Variants in COBL observed in about 807,000 individuals in gnomAD.
The protein encoded by COBL is cordon-bleu WH2 repeat protein, also known as protein cordon-bleu.
A neutral mutation model predicts 98.8 loss-of-function variants in COBL; 51 were observed. The observed-to-expected ratio is 0.52, with a 90% CI of 0.41 to 0.65. The LOEUF is 0.65. Ranked by LOEUF, COBL falls within the 30% of genes least tolerant of loss-of-function variation. The pLI, the probability that COBL is intolerant of heterozygous loss-of-function variation, is 0.00. For missense variants in COBL, 1,617 were observed against 1,617.5 expected (o/e 1.00, Z 0.01); for synonymous variants, 634 against 651.7 (o/e 0.97, Z 0.41).
At chr7:51,270,137 C>T (rs1392651630) in intron 1 of COBL, among the ~76,000 whole-genome samples, 1 of 152,156 alleles carries the variant, frequency 6.6e-6, no homozygotes, top group Admixed American at 6.5e-5. Context: ...GTGACAGGAG[C>T]TGAATCTGGA....
intron 7 of COBL, chr7:51,065,370 T>A (rs775891663): frequency 1.4e-6 from 1 of 703,656 alleles, no homozygotes; most frequent in Non-Finnish European, 2.6e-6. Flanking sequence ...TCCACAGGGT[T>A]CTTGGCTTTG....
chr7:51,237,062 T>TTG (rs36031883), intron 1 of COBL, among the ~76,000 whole-genome samples: 4 of 151,756 alleles, frequency 2.6e-5, no homozygotes, highest in Non-Finnish European at 5.9e-5. Flanking sequence ...TCTCCCTGAC[T>TTG]GCTTCTTTCA....
intron 6 of COBL, among the ~76,000 whole-genome samples, chr7:51,128,372 T>C (rs1340787634): frequency 3.3e-5 from 5 of 151,924 alleles, no homozygotes; most frequent in Non-Finnish European, 7.4e-5. Flanking sequence ...TGTGCGTGTA[T>C]GTGTGTGTGT....
intron 1 of COBL, among the ~76,000 whole-genome samples, chr7:51,232,207 T>C (rs1794816294): frequency 6.6e-6 from 1 of 152,098 alleles, no homozygotes; most frequent in Non-Finnish European, 1.5e-5. Context: ...CATGGTCACC[T>C]TCTTCATCAT....
intron 2 of COBL, among the ~76,000 whole-genome samples, chr7:51,215,672 T>G (rs997868861): frequency 3.9e-5 from 6 of 152,244 alleles, no homozygotes; most frequent in Admixed American, 6.5e-5. Flanking sequence ...TACTCAACAG[T>G]GCATGGCAGC....
At chr7:51,078,002 T>C (rs1793252484) in intron 7 of COBL, among the ~76,000 whole-genome samples, 2 of 152,186 alleles carry the variant, frequency 1.3e-5, no homozygotes, top group Non-Finnish European at 2.9e-5. Flanking sequence ...AAAATCAAAC[T>C]GAAGGCTGCA....
chr7:51,027,982 A>G lies in COBL; in HGVS notation c.3114T>C (p.Asn1038=), dbSNP rs201511321. The change falls in exon 10 of 13, where the codon AAT becomes AAC. Residue 1038 remains asparagine, a synonymous_variant. Coordinates refer to ENST00000265136, the MANE Select transcript of COBL (RefSeq NM_015198.5). ...DTQACSRELV[N]GSVRAPGHGE... ...CGTGGCCTGGGGCGCGCACAGAGCC[A>G]TTGACCAGCTCCCTGCTGCAGGCCT... 149 of 1,605,180 alleles carry G rather than the reference A, an allele frequency of 9.3e-5. No homozygotes were observed. The highest frequency in any genetic ancestry group is 1.3e-4 in the Non-Finnish European group (147 of 1,175,134).
chr7:51,177,425 G>A (rs1788476184), intron 5 of COBL, among the ~76,000 whole-genome samples: 1 of 152,114 alleles, frequency 6.6e-6, no homozygotes, highest in South Asian at 2.1e-4. Flanking sequence ...CTAGATAAAA[G>A]AGAAACAATT....
chr7:51,257,279 C>T (rs923446092), intron 1 of COBL, among the ~76,000 whole-genome samples: 2 of 152,170 alleles, frequency 1.3e-5, no homozygotes, highest in African/African-American at 4.8e-5. Context: ...CCAACAGTTG[C>T]TTCTCCCCTC....
chr7:51,313,752 G>C (rs545402486), intron 1 of COBL, among the ~76,000 whole-genome samples: 22 of 152,330 alleles, frequency 1.4e-4, no homozygotes, highest in African/African-American at 5.1e-4. Flanking sequence ...CGACTACTGG[G>C]ATGGCTCCTA....
intron 7 of COBL, chr7:51,073,146 A>G: frequency 2.5e-6 from 1 of 398,254 alleles, no homozygotes. Flanking sequence ...CATATAATTT[A>G]CCTCCTTCAA....
intron 6 of COBL, among the ~76,000 whole-genome samples, chr7:51,087,959 T>C (rs1225753252): frequency 6.6e-6 from 1 of 152,170 alleles, no homozygotes; most frequent in African/African-American, 2.4e-5. Context: ...AAAAGAATTG[T>C]CCCTCAAAAT....
intron 1 of COBL, among the ~76,000 whole-genome samples, chr7:51,312,652 T>C (rs1293295535): frequency 1.3e-5 from 2 of 152,164 alleles, no homozygotes; most frequent in East Asian, 1.9e-4. Context: ...CTTCATTCCC[T>C]GGATCCCAAA....
rs183805368 is a variant in COBL, at chr7:51,295,954, C to T, written c.41+20639G>A. Reference sequence around the variant, plus strand: ...TGTCTGGCCTGGCTGGGGCTTAGGTCTGGAAGGAGTGTTATATTTAAGAAC... The same window carrying T: ...TGTCTGGCCTGGCTGGGGCTTAGGTTTGGAAGGAGTGTTATATTTAAGAAC... On this transcript the variant is annotated intron_variant, in intron 1 of 12. Coordinates refer to ENST00000265136, the MANE Select transcript of COBL (RefSeq NM_015198.5). Among the ~76,000 whole-genome samples, 10 of 152,276 alleles carry T rather than the reference C, an allele frequency of 6.6e-5. No individual in the cohort carries two copies. The East Asian group carries it at 1.7e-3, about 26-fold the overall frequency.
At chr7:51,178,872 G>A (rs1381412109) in intron 5 of COBL, among the ~76,000 whole-genome samples, 1 of 152,174 alleles carries the variant, frequency 6.6e-6, no homozygotes, top group Non-Finnish European at 1.5e-5. Flanking sequence ...GCCTCCCAAA[G>A]TGCTGGGATT....
chr7:51,272,769 T>G (rs977114348), intron 1 of COBL, among the ~76,000 whole-genome samples: 1 of 152,190 alleles, frequency 6.6e-6, no homozygotes, highest in Non-Finnish European at 1.5e-5. Flanking sequence ...GCTTGTACTT[T>G]GGGAGTCTCC....
chr7:51,295,017 T>C (rs1453691155), intron 1 of COBL, among the ~76,000 whole-genome samples: 3 of 151,858 alleles, frequency 2.0e-5, no homozygotes, highest in Admixed American at 6.6e-5. Context: ...CCGGGCACAA[T>C]GGCTCTCAAT....
At chr7:51,048,955 T>G (rs904813137) in intron 7 of COBL, among the ~76,000 whole-genome samples, 6 of 152,216 alleles carry the variant, frequency 3.9e-5, no homozygotes, top group East Asian at 1.9e-4. Flanking sequence ...ACTTTTCCTC[T>G]TATAGATATA....
At chr7:51,041,692 C>T (rs1402683705) in intron 8 of COBL, among the ~76,000 whole-genome samples, 1 of 151,922 alleles carries the variant, frequency 6.6e-6, no homozygotes, top group Non-Finnish European at 1.5e-5. Flanking sequence ...CCATGTTGGC[C>T]AGGCAGGTCT....
Sources: gnomAD v4.1 joint callset for allele counts (sites outside exome capture counted in the v4.1 genomes callset) on GRCh38, gnomAD v4.1.1 for gene constraint, MANE v1.5 for transcripts, NCBI Gene and HGNC (gene_info 2026-07-23, HGNC 2026-07-21) for gene names.